The following RTN4IP1 variants were observed in gnomAD, a reference collection of about 807,000 sequenced individuals.
The protein encoded by RTN4IP1 is NAD(P)H oxidoreductase RTN4IP1, mitochondrial.
RTN4IP1 carries 32 observed loss-of-function variants against 46.6 expected under a neutral mutation model. That is an observed-to-expected ratio of 0.69 (90% CI 0.52 to 0.92). RTN4IP1 has a LOEUF of 0.92. RTN4IP1 is among the 40% of genes least tolerant of loss of function. The pLI is 0.00. For synonymous variants in RTN4IP1, 167 were observed against 161.8 expected (o/e 1.03, Z -0.24); for missense variants, 424 against 485.8 (o/e 0.87, Z 1.20).
chr6:106,613,264 T>C (rs755049469), intron 4 of RTN4IP1, among the ~76,000 whole-genome samples: 1 of 152,198 alleles, frequency 6.6e-6, no homozygotes, highest in Non-Finnish European at 1.5e-5. Flanking sequence ...TCCCTAGCTG[T>C]CCTAGTTTAA....
intron 8 of RTN4IP1, among the ~76,000 whole-genome samples, chr6:106,576,468 T>C (rs1176952815): frequency 6.6e-6 from 1 of 152,212 alleles, no homozygotes; most frequent in African/African-American, 2.4e-5. Context: ...ACTTGCCACA[T>C]CAGGCAAGGC....
chr6:106,606,640 C>G (rs945475420), intron 4 of RTN4IP1, among the ~76,000 whole-genome samples: 4 of 151,900 alleles, frequency 2.6e-5, no homozygotes, highest in Non-Finnish European at 4.4e-5. Context: ...GGCACGGTGG[C>G]TCACACCTCT....
intron 5 of RTN4IP1, among the ~76,000 whole-genome samples, chr6:106,600,347 G>A (rs1775912208): frequency 6.6e-6 from 1 of 151,698 alleles, no homozygotes; most frequent in Admixed American, 6.5e-5. Context: ...AACAGGAGCA[G>A]TCACTGGGCC....
chr6:106,624,040 GTTGTT>G (rs1422363688), intron 1 of RTN4IP1, among the ~76,000 whole-genome samples: 1 of 152,120 alleles, frequency 6.6e-6, no homozygotes, highest in African/African-American at 2.4e-5. Flanking sequence ...GTAAAATCAA[GTTGTT>G]TTATTTCACA....
chr6:106,619,855 C>T (rs1776443570), intron 3 of RTN4IP1, among the ~76,000 whole-genome samples: 1 of 152,114 alleles, frequency 6.6e-6, no homozygotes, highest in Admixed American at 6.5e-5. Context: ...TCGTGATCCG[C>T]CCGCCTCGGC....
intron 4 of RTN4IP1, among the ~76,000 whole-genome samples, chr6:106,618,737 T>C (rs1262942663): frequency 1.3e-5 from 2 of 152,214 alleles, no homozygotes; most frequent in Non-Finnish European, 2.9e-5. Flanking sequence ...AACTTAAGAA[T>C]ATTCAATAGT....
At chr6:106,629,816 C>A, upstream of RTN4IP1, 1 of 1,329,988 alleles carries the variant, frequency 7.5e-7, no homozygotes, top group Non-Finnish European at 1.0e-6. Context: ...TCGCTGCTTC[C>A]TCTAGAACTG....
At chr6:106,604,143 A>C (rs1047731438) in intron 4 of RTN4IP1, among the ~76,000 whole-genome samples, 1 of 152,166 alleles carries the variant, frequency 6.6e-6, no homozygotes, top group Non-Finnish European at 1.5e-5. Context: ...TGGAACACGC[A>C]TTCTATCTAT....
chr6:106,571,761 G>GTT lies in RTN4IP1; in HGVS notation c.*234_*235insAA. 1 of 449,252 alleles carries GTT rather than the reference G, an allele frequency of 2.2e-6. No individual in the cohort carries two copies. The highest frequency in any genetic ancestry group is 2.8e-5 in the South Asian group (1 of 36,010). 27.8% of individuals were successfully genotyped at this position (449,252 alleles called of 1,614,324 possible). ...GGTGCCACAACAACCTGCAAAGCCA[G>GTT]TGTGAAGGAACAGCTTGAAAAAACT... On this transcript the variant is annotated 3_prime_UTR_variant, in exon 9 of 9. Transcript: ENST00000369063.
At chr6:106,604,021 C>G (rs191772774) in intron 4 of RTN4IP1, among the ~76,000 whole-genome samples, 144 of 152,298 alleles carry the variant, frequency 9.5e-4, no homozygotes, top group African/African-American at 3.2e-3. Context: ...CAGTATCTGT[C>G]CTATTTAACA....
In RTN4IP1 at chr6:106,609,980, G is replaced by A. The variant is rs144873101; in HGVS notation, c.621-7058C>T. ...TGTAAAGGAGCCCTGAGGACACATC[G>A]TTTTCTGGTCCTGTAAACTCCACAT... On this transcript the variant is annotated intron_variant, in intron 4 of 8. Transcript: ENST00000369063. Among the ~76,000 whole-genome samples the A allele has an allele frequency of 2.1e-3, 315 of 152,246 alleles. 2 individuals carry two copies. The highest frequency in any genetic ancestry group is 7.1e-3 in the African/African-American group (293 of 41,546).
chr6:106,580,896 A>C (rs1582859406), intron 8 of RTN4IP1, among the ~76,000 whole-genome samples: 1 of 152,054 alleles, frequency 6.6e-6, no homozygotes, highest in East Asian at 1.9e-4. Context: ...TGGTACACCC[A>C]TACAAATACT....
chr6:106,623,041 AGT>A (rs1467072115), intron 1 of RTN4IP1, 72 bp from the exon 2 acceptor site: 8 of 1,442,902 alleles, frequency 5.5e-6, no homozygotes. Context: ...ACAGGGTTAT[AGT>A]CCAGTACAAT....
chr6:106,615,864 G>A (rs935369082), intron 4 of RTN4IP1, among the ~76,000 whole-genome samples: 1 of 152,156 alleles, frequency 6.6e-6, no homozygotes, highest in Non-Finnish European at 1.5e-5. Flanking sequence ...AACAAATCAT[G>A]AAGAAACTAT....
At position 106,621,580 on chromosome 6, in the gene RTN4IP1, C is replaced by T. The variant is rs1054297777; in HGVS notation, c.427-87G>A. ...GCAAGAAAGTGTTCCCTAATATATA[C>T]CCTGTGCTGTGAAAAACACAGAAGT... On this transcript the variant is annotated intron_variant, in intron 2 of 8. Transcript: ENST00000369063. 7 of 1,058,236 alleles carry T rather than the reference C, an allele frequency of 6.6e-6. 1 individual carries two copies. Among genetic ancestry groups the T allele is most frequent in the Middle Eastern group, 2.0e-4 (1 of 4,932 alleles). The allele number at this position is 1,058,236 out of a possible 1,614,324, so 65.6% of individuals were successfully genotyped here.
At chr6:106,578,998 A>G (rs1280545489) in intron 8 of RTN4IP1, among the ~76,000 whole-genome samples, 1 of 151,572 alleles carries the variant, frequency 6.6e-6, no homozygotes, top group African/African-American at 2.4e-5. Context: ...GCACATTGGG[A>G]GGCCAAGGTG....
chr6:106,625,799 G>A (rs1197730804), intron 1 of RTN4IP1, among the ~76,000 whole-genome samples: 2 of 151,694 alleles, frequency 1.3e-5, no homozygotes, highest in Non-Finnish European at 2.9e-5. Flanking sequence ...GAGTAGCTGG[G>A]ATTACAGGCA....
chr6:106,609,421 G>C (rs1224266129), intron 4 of RTN4IP1, among the ~76,000 whole-genome samples: 3 of 152,040 alleles, frequency 2.0e-5, no homozygotes, highest in African/African-American at 7.2e-5. Flanking sequence ...ATCTAGGTAT[G>C]GTGGTGCTGA....
chr6:106,580,213 C>CAAAA (rs746909333), intron 8 of RTN4IP1, among the ~76,000 whole-genome samples: 3 of 69,176 alleles, frequency 4.3e-5, no homozygotes, highest in African/African-American at 1.0e-4. Context: ...GACTCTGTCT[C>CAAAA]AAAAAAAAAA....
Sources: allele counts gnomAD v4.1 joint callset (sites outside exome capture counted in the v4.1 genomes callset), GRCh38; gene constraint gnomAD v4.1.1; transcripts MANE v1.5; gene names NCBI Gene and HGNC (gene_info 2026-07-23, HGNC 2026-07-21).